LRBA: variants seen among roughly 807,000 people sequenced by gnomAD.
LRBA encodes the protein lipopolysaccharide-responsive and beige-like anchor protein.
LRBA carries 176 observed loss-of-function variants against 330.0 expected under a neutral mutation model. That is an observed-to-expected ratio of 0.53 (90% CI 0.47 to 0.60). The LOEUF (loss-of-function observed/expected upper bound fraction) is 0.60, where lower values mean the gene tolerates loss of function less well. LRBA is among the 20% of genes least tolerant of loss of function. The probability of loss-of-function intolerance (pLI) is 0.00; values close to 1 mark genes in which losing one functional copy is unlikely to be tolerated. For missense variants in LRBA, 3,259 were observed against 3,444.8 expected (o/e 0.95, Z 1.35); for synonymous variants, 1,230 against 1,193.0 (o/e 1.03, Z -0.64).
chr4:150,507,607 C>T (rs1042633666), intron 40 of LRBA, among the ~76,000 whole-genome samples: 14 of 152,102 alleles, frequency 9.2e-5, no homozygotes, highest in Non-Finnish European at 1.9e-4. Flanking sequence ...ACATGTTAGA[C>T]CTAAAACCAT....
chr4:150,927,166 AG>A (rs1412589191), intron 4 of LRBA, among the ~76,000 whole-genome samples: 1 of 151,950 alleles, frequency 6.6e-6, no homozygotes, highest in Non-Finnish European at 1.5e-5. Context: ...CAAGGTTAGG[AG>A]ATCGAGACCA....
At chr4:150,339,446 C>T (rs959952573) in intron 48 of LRBA, among the ~76,000 whole-genome samples, 1 of 152,152 alleles carries the variant, frequency 6.6e-6, no homozygotes, top group African/African-American at 2.4e-5. Context: ...CTCATGTTAA[C>T]ATACATTGCT....
chr4:151,007,701 C>A (rs904283431), intron 2 of LRBA, among the ~76,000 whole-genome samples: 1 of 149,410 alleles, frequency 6.7e-6, no homozygotes, highest in Non-Finnish European at 1.5e-5. Flanking sequence ...ACTAAAAATA[C>A]AAAAAATTAG....
chr4:150,390,425 T>C (rs1743753944), intron 47 of LRBA, among the ~76,000 whole-genome samples: 1 of 152,200 alleles, frequency 6.6e-6, no homozygotes, highest in Non-Finnish European at 1.5e-5. Context: ...GCCTTTGCTA[T>C]GCTCTGATAA....
intron 2 of LRBA, among the ~76,000 whole-genome samples, chr4:150,998,079 C>T (rs1246559453): frequency 1.3e-5 from 2 of 151,546 alleles, no homozygotes; most frequent in Non-Finnish European, 2.9e-5. Context: ...CGGCCGGGCA[C>T]GGTGGCTCAT....
intron 37 of LRBA, among the ~76,000 whole-genome samples, chr4:150,618,369 A>T (rs1775971660): frequency 6.6e-6 from 1 of 152,174 alleles, no homozygotes; most frequent in Non-Finnish European, 1.5e-5. Context: ...AAAAAAAGTC[A>T]TCTTTTAGTA....
intron 47 of LRBA, among the ~76,000 whole-genome samples, chr4:150,396,480 TCACA>T (rs10641158): frequency 4.1e-5 from 6 of 145,774 alleles, no homozygotes; most frequent in Admixed American, 1.4e-4. Context: ...AAATCTCATC[TCACA>T]CACACACACA....
At chr4:150,940,970 T>G (rs1411375666) in intron 2 of LRBA, among the ~76,000 whole-genome samples, 1 of 152,104 alleles carries the variant, frequency 6.6e-6, no homozygotes, top group African/African-American at 2.4e-5. Flanking sequence ...GATCTAATCT[T>G]GCTTTCAGTG....
At chr4:150,439,696 T>C (rs1354600599) in intron 44 of LRBA, among the ~76,000 whole-genome samples, 2 of 152,172 alleles carry the variant, frequency 1.3e-5, no homozygotes, top group East Asian at 3.8e-4. Context: ...TTTACTGCTA[T>C]AAATTAATGG....
At chr4:150,684,577 C>T (rs938105110) in intron 36 of LRBA, among the ~76,000 whole-genome samples, 2 of 152,164 alleles carry the variant, frequency 1.3e-5, no homozygotes, top group African/African-American at 4.8e-5. Flanking sequence ...ATCAGATACA[C>T]TATAATTGCT....
At chr4:150,568,499 GGCA>G (rs1327691475) in intron 40 of LRBA, among the ~76,000 whole-genome samples, 3 of 152,068 alleles carry the variant, frequency 2.0e-5, no homozygotes, top group African/African-American at 7.2e-5. Flanking sequence ...CTGTCTAGCA[GGCA>G]GCACGTAAGT....
chr4:150,948,109 T>G (rs767204457), intron 2 of LRBA, among the ~76,000 whole-genome samples: 2 of 152,034 alleles, frequency 1.3e-5, no homozygotes, highest in Non-Finnish European at 2.9e-5. Context: ...GCAAGACTTT[T>G]GCAGATATAG....
intron 35 of LRBA, among the ~76,000 whole-genome samples, chr4:150,739,210 T>G (rs12641861): frequency 0.36 from 54,862 of 151,964 alleles, 11,534 homozygotes; most frequent in Middle Eastern, 0.47. Flanking sequence ...TAAATTTGTA[T>G]GCTCTTAAGA....
intron 37 of LRBA, among the ~76,000 whole-genome samples, chr4:150,643,896 G>T (rs1778903141): frequency 6.6e-6 from 1 of 151,734 alleles, no homozygotes; most frequent in Non-Finnish European, 1.5e-5. Context: ...ATTTGTCTAG[G>T]TACTATCTGC....
At chr4:150,362,792 T>C (rs1047254450) in intron 47 of LRBA, among the ~76,000 whole-genome samples, 5 of 152,126 alleles carry the variant, frequency 3.3e-5, no homozygotes, top group Non-Finnish European at 7.4e-5. Flanking sequence ...TACTTCAGTC[T>C]ACCATCTGAA....
chr4:150,771,273 C>T (rs1736529383), intron 34 of LRBA, among the ~76,000 whole-genome samples: 1 of 152,108 alleles, frequency 6.6e-6, no homozygotes, highest in African/African-American at 2.4e-5. Flanking sequence ...GGAGAAACAG[C>T]ACCATATACT....
intron 40 of LRBA, among the ~76,000 whole-genome samples, chr4:150,512,722 A>G (rs1761960084): frequency 1.0e-5 from 1 of 95,306 alleles, no homozygotes. Flanking sequence ...TTTGAGAAAA[A>G]AAAAAAAAAA....
chr4:150,930,327 C>CA lies in LRBA; in HGVS notation c.217-1263dup, dbSNP rs1734361062. On this transcript the variant is annotated intron_variant, in intron 2 of 56. Coordinates refer to ENST00000651943, the MANE Select transcript of LRBA (RefSeq NM_001364905.1). ...GAGACTCCGTCTCAAAAAAAAAAAA[C>CA]AAAAAAATACAAAAACTTAGCCAGG... 2.3e-5 allele frequency among the ~76,000 whole-genome samples: 3 copies of CA among 129,228 alleles called. No homozygotes were observed. In the East Asian group the frequency reaches 7.0e-4, roughly 30 times the overall value. The allele number at this position is 129,228 out of a possible 152,430, so 84.8% of individuals were successfully genotyped here. A position where few individuals can be genotyped will look rare whatever the true frequency, so the allele number is the denominator to read the frequency against.
At chr4:150,880,879 CACAA>C (rs1248116226) in intron 17 of LRBA, among the ~76,000 whole-genome samples, 5 of 152,010 alleles carry the variant, frequency 3.3e-5, no homozygotes, top group Non-Finnish European at 5.9e-5. Flanking sequence ...TGGGAAACGC[CACAA>C]ACAGACACTT....
Sources: allele counts gnomAD v4.1 joint callset (sites outside exome capture counted in the v4.1 genomes callset), GRCh38; gene constraint gnomAD v4.1.1; transcripts MANE v1.5; gene names NCBI Gene and HGNC (gene_info 2026-07-23, HGNC 2026-07-21).